The following BFSP2 variants were observed in gnomAD, a reference collection of about 807,000 sequenced individuals.
The protein encoded by BFSP2 is phakinin.
Under a neutral mutation model 44.9 loss-of-function variants are expected in BFSP2, and 38 were observed. That is an observed-to-expected ratio of 0.85 (90% CI 0.65 to 1.11). The LOEUF (loss-of-function observed/expected upper bound fraction) is 1.11. BFSP2 is among the 50% of genes least tolerant of loss of function. The pLI, the probability that BFSP2 is intolerant of heterozygous loss-of-function variation, is 0.00. For missense variants in BFSP2, 525 were observed against 533.0 expected, an observed-to-expected ratio of 0.99 and a Z score of 0.15; for synonymous variants, 197 against 209.9, an observed-to-expected ratio of 0.94 and a Z score of 0.53.
At chr3:133,424,219 T>TG (rs752521747) in intron 1 of BFSP2, among the ~76,000 whole-genome samples, 5,006 of 88,104 alleles carry the variant, frequency 0.057, 169 homozygotes, top group South Asian at 0.091. Context: ...CTAATTTTTT[T>TG]TTTTTTTTTT....
At chr3:133,418,010 C>T (rs2073559671) in intron 1 of BFSP2, among the ~76,000 whole-genome samples, 2 of 145,778 alleles carry the variant, frequency 1.4e-5, no homozygotes, top group African/African-American at 2.6e-5. Flanking sequence ...CCTCTCCATT[C>T]TACTCACCCC....
At chr3:133,461,194 C>T (rs1437489854) in intron 4 of BFSP2, among the ~76,000 whole-genome samples, 1 of 152,150 alleles carries the variant, frequency 6.6e-6, no homozygotes, top group Non-Finnish European at 1.5e-5. Flanking sequence ...TTCCTCTTTC[C>T]CAGTCCTCAT....
In BFSP2 at chr3:133,475,177, CCTT is replaced by C. The variant is rs2074202477; in HGVS notation, c.*207_*209del. 1.4e-6 allele frequency: 1 copy of C among 692,116 alleles called. No individual in the cohort carries two copies. The highest frequency in any genetic ancestry group is 2.5e-6 in the Non-Finnish European group (1 of 405,264). The allele number at this position is 692,116 out of a possible 1,614,324, so 42.9% of individuals were successfully genotyped here. A position where few individuals can be genotyped will look rare whatever the true frequency, so the allele number is the denominator to read the frequency against. On this transcript the variant is annotated 3_prime_UTR_variant, in exon 7 of 7. Transcript: ENST00000302334. ...TAGCTTGAGCAATCTCCCTTGTCCT[CCTT>C]CAAATAAATGCTTTGTGCGCAGCGT...
In BFSP2 at chr3:133,450,457, A is replaced by C; in HGVS notation, c.884A>C (p.Gln295Pro). The change falls in exon 4 of 7, where the codon CAA becomes CCA. Residue 295 changes from glutamine (Q) to proline (P), a missense_variant. Gln to Pro is a moderately conservative substitution (Grantham distance 76). Coordinates refer to ENST00000302334, the MANE Select transcript of BFSP2 (RefSeq NM_003571.4). Reference sequence around the variant, plus strand: ...CGGGTGGAGGCAGGAGCCCTGCTCCAAGCTAAGGTGAGAGGCAGGACCAGC... The same window carrying C: ...CGGGTGGAGGCAGGAGCCCTGCTCCCAGCTAAGGTGAGAGGCAGGACCAGC... ...KNRVEAGALL[Q>P]AKQQAEVAHM... 1 of 1,614,062 alleles carries C rather than the reference A, an allele frequency of 6.2e-7. No homozygotes were observed. Among genetic ancestry groups the C allele is most frequent in the East Asian group, 2.2e-5 (1 of 44,866 alleles).
intron 1 of BFSP2, among the ~76,000 whole-genome samples, chr3:133,444,835 C>T (rs955258530): frequency 1.3e-5 from 2 of 152,168 alleles, no homozygotes; most frequent in Non-Finnish European, 2.9e-5. Flanking sequence ...CAAGAGCCTC[C>T]CGACTGGTTC....
At chr3:133,407,612 C>T (rs1473235947) in intron 1 of BFSP2, among the ~76,000 whole-genome samples, 1 of 152,022 alleles carries the variant, frequency 6.6e-6, no homozygotes, top group East Asian at 1.9e-4. Flanking sequence ...AGGGGACCAG[C>T]AGCCCCGCCA....
rs367617904 is a variant in BFSP2, at chr3:133,457,758, T to C, written c.891+7294T>C. On this transcript the variant is annotated intron_variant, in intron 4 of 6. Transcript: ENST00000302334. The stretch of plus-strand genomic sequence containing the variant: ...TATGGCTGCATTTGCACTACACAAG[T>C]GGAGTTCAATAGTTGCAACAGAGAC... 9.9e-5 allele frequency among the ~76,000 whole-genome samples: 15 copies of C among 152,266 alleles called. No homozygotes were observed. In the East Asian group the frequency reaches 1.2e-3, roughly 12 times the overall value.
chr3:133,463,169 C>T (rs1279427047), intron 4 of BFSP2, among the ~76,000 whole-genome samples: 2 of 152,036 alleles, frequency 1.3e-5, no homozygotes, highest in Non-Finnish European at 2.9e-5. Context: ...ATTAGCCGGG[C>T]ATGGTGGCAG....
chr3:133,445,896 G>T (rs2073892182), intron 1 of BFSP2, among the ~76,000 whole-genome samples: 1 of 152,130 alleles, frequency 6.6e-6, no homozygotes, highest in Non-Finnish European at 1.5e-5. Flanking sequence ...GGTAGGAATT[G>T]TTACCTTAAA....
chr3:133,447,877 A>T (rs2073918007), intron 2 of BFSP2, among the ~76,000 whole-genome samples: 1 of 152,218 alleles, frequency 6.6e-6, no homozygotes, highest in Non-Finnish European at 1.5e-5. Context: ...AGTGCAGTGC[A>T]CAAGCCATAG....
intron 4 of BFSP2, among the ~76,000 whole-genome samples, chr3:133,458,758 T>G (rs1456886447): frequency 6.6e-6 from 1 of 152,032 alleles, no homozygotes; most frequent in Non-Finnish European, 1.5e-5. Context: ...GGCCCTTATC[T>G]TCTTATGTTG....
At position 133,466,169 on chromosome 3, in the gene BFSP2, G is replaced by GT. The variant is rs949030102; in HGVS notation, c.892-659_892-658insT. On this transcript the variant is annotated intron_variant, in intron 4 of 6. Transcript: ENST00000302334. The stretch of plus-strand genomic sequence containing the variant: ...AAGATACTTTAAGTACCAAAGCACG[G>GT]GGGGGGCAATACATATTTATTTATA... Among the ~76,000 whole-genome samples, 4 of 150,974 alleles carry GT rather than the reference G, an allele frequency of 2.6e-5. No homozygotes were observed. In the East Asian group the frequency reaches 5.8e-4, roughly 22 times the overall value.
At chr3:133,404,895 C>G (rs894785308) in intron 1 of BFSP2, 2 of 152,196 alleles carry the variant, frequency 1.3e-5, no homozygotes, top group Non-Finnish European at 1.5e-5. Flanking sequence ...TGAAAACGGA[C>G]AGAAAAACCC....
At chr3:133,470,348 T>C (rs7628262) in intron 5 of BFSP2, among the ~76,000 whole-genome samples, 73,992 of 152,112 alleles carry the variant, frequency 0.49, 18,475 homozygotes, top group Non-Finnish European at 0.52. Context: ...GTTTCATCCA[T>C]AGTGGTCATA....
intron 1 of BFSP2, among the ~76,000 whole-genome samples, chr3:133,416,558 C>T (rs1214342815): frequency 4.2e-5 from 6 of 141,776 alleles, no homozygotes; most frequent in African/African-American, 5.3e-5. Context: ...TACACCCTGC[C>T]ATCTCCCCTC....
At chr3:133,455,479 A>C (rs1311827208) in intron 4 of BFSP2, 1 of 152,212 alleles carries the variant, frequency 6.6e-6, no homozygotes. Context: ...GGGCCAACAG[A>C]AAAGCATTAC....
intron 1 of BFSP2, among the ~76,000 whole-genome samples, chr3:133,407,556 G>T (rs980833949): frequency 6.6e-6 from 1 of 152,068 alleles, no homozygotes; most frequent in Non-Finnish European, 1.5e-5. Context: ...GACAAGAATG[G>T]CCAGGAAAGA....
At chr3:133,473,134 G>C (rs1486252711) in intron 6 of BFSP2, among the ~76,000 whole-genome samples, 1 of 151,978 alleles carries the variant, frequency 6.6e-6, no homozygotes, top group Non-Finnish European at 1.5e-5. Flanking sequence ...CAGTACGTCT[G>C]GGGTGGGGTC....
At chr3:133,444,783 C>A (rs1044784143) in intron 1 of BFSP2, among the ~76,000 whole-genome samples, 3 of 152,180 alleles carry the variant, frequency 2.0e-5, no homozygotes, top group Non-Finnish European at 4.4e-5. Flanking sequence ...CATCGTTCGT[C>A]CAGGCCACCA....
Sources: allele counts gnomAD v4.1 joint callset (sites outside exome capture counted in the v4.1 genomes callset), GRCh38; gene constraint gnomAD v4.1.1; transcripts MANE v1.5; gene names NCBI Gene and HGNC (gene_info 2026-07-23, HGNC 2026-07-21).